Variants in MYBPC2 observed in about 807,000 individuals in gnomAD.
The protein encoded by MYBPC2 is myosin-binding protein C, fast-type.
A neutral mutation model predicts 137.0 loss-of-function variants in MYBPC2; 122 were observed. That is an observed-to-expected ratio of 0.89 (90% confidence interval 0.77 to 1.03). The LOEUF is 1.03. Ranked by LOEUF, MYBPC2 falls within the 50% of genes least tolerant of loss-of-function variation. MYBPC2 has a pLI of 0.00. For missense variants in MYBPC2, 1,500 were observed against 1,534.4 expected (o/e 0.98, Z 0.37); for synonymous variants, 626 against 612.3 (o/e 1.02, Z -0.33).
In MYBPC2 at chr19:50,463,398, C is replaced by G. The variant is rs192180426; in HGVS notation, c.3229-948C>G. On this transcript the variant is annotated intron_variant, in intron 26 of 27. Transcript: ENST00000357701. ...CTCTGTATACTGTATTCACTAACTC[C>G]ACTCATTCATGTCACTCATTCCACT... 3.7e-3 allele frequency among the ~76,000 whole-genome samples: 556 copies of G among 152,308 alleles called. 5 individuals carry two copies. Among genetic ancestry groups the G allele is most frequent in the African/African-American group, 0.013 (523 of 41,558 alleles).
At chr19:50,451,613 G>A (rs1452554038) in intron 15 of MYBPC2, among the ~76,000 whole-genome samples, 8 of 144,082 alleles carry the variant, frequency 5.6e-5, no homozygotes. Context: ...ACTGTAGGGT[G>A]TGAGGGAGGA....
At chr19:50,456,883 A>C (rs2039919378) in intron 20 of MYBPC2, among the ~76,000 whole-genome samples, 1 of 152,126 alleles carries the variant, frequency 6.6e-6, no homozygotes. Flanking sequence ...ACCTCCATAC[A>C]TCCACTCTCC....
At chr19:50,453,985 G>A (rs2039883561) in intron 16 of MYBPC2, 35 bp from the exon 17 acceptor site, 4 of 1,558,342 alleles carry the variant, frequency 2.6e-6, no homozygotes, top group African/African-American at 1.4e-5. Context: ...TTGGGGACAC[G>A]ATGGGGTGCA....
At position 50,455,623 on chromosome 19, in the gene MYBPC2, G is replaced by C. The variant is rs755232698; in HGVS notation, c.2317G>C (p.Val773Leu). The C allele has an allele frequency of 6.2e-7, 1 of 1,613,988 alleles. No homozygotes were observed. Among genetic ancestry groups the C allele is most frequent in the Non-Finnish European group, 8.5e-7 (1 of 1,179,896 alleles). The stretch of plus-strand genomic sequence containing the variant: ...GGCAGGTGGCATCGATGGGTACCTG[G>C]TGGAGTACTGCCTGGAAGGCTGTGA... Reference protein sequence around the residue: ...IGAGGIDGYLVEYCLEGSEEW... With the variant: ...IGAGGIDGYLLEYCLEGSEEW... Residue 773 changes from valine (V) to leucine (L), a missense_variant, in exon 20 of 28, where the codon GTG becomes CTG. Physicochemically the swap from Val to Leu is conservative, Grantham distance 32. Coordinates refer to ENST00000357701, the MANE Select transcript of MYBPC2 (RefSeq NM_004533.4).
chr19:50,435,131 G>T lies in MYBPC2; in HGVS notation c.20-30G>T. 1.1e-6 allele frequency: 1 copy of T among 902,534 alleles called. No individual in the cohort carries two copies. The allele number at this position is 902,534 out of a possible 1,614,324, so 55.9% of individuals were successfully genotyped here. ...AGGGGCATGGGTGTGCAGACCGCAT[G>T]CTCAACTATGACTGTCCCCTACCTT... On this transcript the variant is annotated intron_variant, in intron 1 of 27. Transcript: ENST00000357701. This position sits in a 1 kb window ranked among gnomAD's most constrained non-coding sequence, Gnocchi z 4.8.
intron 22 of MYBPC2, 46 bp from the exon 23 acceptor site, chr19:50,459,065 G>A (rs2039942770): frequency 6.4e-7 from 1 of 1,559,892 alleles, no homozygotes; most frequent in Non-Finnish European, 8.7e-7. Context: ...CCCTTTTTGC[G>A]GGTGGAGCCC....
chr19:50,436,563 G>A (rs1270005205), intron 4 of MYBPC2, 54 bp from the exon 5 acceptor site: 1 of 1,450,466 alleles, frequency 6.9e-7, no homozygotes, highest in South Asian at 1.2e-5. Context: ...TGAGGAATAT[G>A]GGGTGGCTCT....
intron 16 of MYBPC2, among the ~76,000 whole-genome samples, chr19:50,453,582 C>T (rs2039880204): frequency 6.6e-6 from 1 of 151,666 alleles, no homozygotes. Context: ...CTCTTGTTGC[C>T]CAGGCTGGAG....
At chr19:50,444,582 A>G (rs575115746) in intron 11 of MYBPC2, among the ~76,000 whole-genome samples, 296 of 152,090 alleles carry the variant, frequency 1.9e-3, no homozygotes, top group Middle Eastern at 3.4e-3. Context: ...TAATGGGGAG[A>G]AAAAAAATGT....
chr19:50,444,132 G>GTCCATCCATCCA (rs3087049), intron 11 of MYBPC2, among the ~76,000 whole-genome samples: 64 of 144,594 alleles, frequency 4.4e-4, no homozygotes, highest in East Asian at 3.1e-3. Context: ...CATCCACCCA[G>GTCCATCCATCCA]TCCATCCATC....
At chr19:50,460,215 T>A (rs1046850912) in intron 24 of MYBPC2, 36 bp downstream of exon 24, 1 of 1,575,814 alleles carries the variant, frequency 6.3e-7, no homozygotes, top group Non-Finnish European at 8.6e-7. Flanking sequence ...GAAGAGCCGG[T>A]GAGGTGGGCA....
chr19:50,451,485 C>A (rs933033398), intron 15 of MYBPC2, among the ~76,000 whole-genome samples, 176 bp downstream of exon 15: 1 of 21,068 alleles, frequency 4.7e-5, no homozygotes, highest in Admixed American at 6.7e-4. Context: ...GGAGGAGGGG[C>A]GGGGAGCTGA....
intron 13 of MYBPC2, among the ~76,000 whole-genome samples, chr19:50,449,850 G>A (rs1423904407): frequency 6.6e-6 from 1 of 152,064 alleles, no homozygotes; most frequent in Non-Finnish European, 1.5e-5. Flanking sequence ...CATGCCGGCT[G>A]GTGGTCTCAG....
intron 12 of MYBPC2, among the ~76,000 whole-genome samples, chr19:50,446,827 A>AG (rs2039810218): frequency 6.6e-6 from 1 of 150,876 alleles, no homozygotes. Context: ...TCAAAAAAAA[A>AG]AAAAAAAAAA....
chr19:50,432,892 G>C lies in MYBPC2; in HGVS notation c.-62G>C. Reference sequence around the variant, plus strand: ...AAAGGCTCCCCTTAGGGGCCCACCTGTCCTCCCTAGGGCCTAGCGGGACGC... The same window carrying C: ...AAAGGCTCCCCTTAGGGGCCCACCTCTCCTCCCTAGGGCCTAGCGGGACGC... On this transcript the variant is annotated 5_prime_UTR_variant, in exon 1 of 28. Transcript: ENST00000357701. The surrounding 1 kb of genome is among the most constrained non-coding windows in gnomAD (Gnocchi z 5.5). The C allele has an allele frequency of 6.3e-7, 1 of 1,582,532 alleles. No homozygotes were observed. The highest frequency in any genetic ancestry group is 8.6e-7 in the Non-Finnish European group (1 of 1,168,044).
chr19:50,445,821 G>T, intron 11 of MYBPC2, 59 bp from the exon 12 acceptor site: 1 of 1,513,182 alleles, frequency 6.6e-7, no homozygotes, highest in Non-Finnish European at 8.9e-7. Flanking sequence ...GACTCTCCAA[G>T]ACCCAGACCG....
At position 50,451,220 on chromosome 19, in the gene MYBPC2, A is replaced by T. The variant is rs1183162319; in HGVS notation, c.1580-60A>T. The T allele has an allele frequency of 1.9e-6, 3 of 1,581,714 alleles. No homozygotes were observed. The East Asian group carries it at 6.7e-5, about 35-fold the overall frequency. Reference sequence around the variant, plus strand: ...TGTCACCTCTTCCTCTGGGCTGTGAAGGTGGGGTGAGGGGCCTGCTGAGTT... The same window carrying T: ...TGTCACCTCTTCCTCTGGGCTGTGATGGTGGGGTGAGGGGCCTGCTGAGTT... On this transcript the variant is annotated intron_variant, in intron 14 of 27. Transcript: ENST00000357701.
rs550037352 is a variant in MYBPC2 at position 50,436,715 on chromosome 19, C to T, written c.444C>T (p.Gly148=). 16 of 1,613,854 alleles carry T rather than the reference C, an allele frequency of 9.9e-6. 1 individual carries two copies. In the South Asian group the frequency reaches 1.3e-4, roughly 13 times the overall value. ...VKAKDTCDSC[G]FNIDVEAPRQ... is the part of the protein sequence containing the mutation. ...CCAAGGACACCTGTGACAGCTGTGG[C>T]TTCAACATCGATGTGGAGGGTATGC... Residue 148 remains glycine, a synonymous_variant, in exon 5 of 28, where the codon GGC becomes GGT. Coordinates refer to ENST00000357701, the MANE Select transcript of MYBPC2 (RefSeq NM_004533.4).
chr19:50,441,383 C>T (rs2039753732), intron 8 of MYBPC2, among the ~76,000 whole-genome samples: 1 of 152,168 alleles, frequency 6.6e-6, no homozygotes, highest in African/African-American at 2.4e-5. Flanking sequence ...AAAGTTACCA[C>T]CCTTTTCCTA....
Sources: gnomAD v4.1 joint callset for allele counts (sites outside exome capture counted in the v4.1 genomes callset) on GRCh38, gnomAD v4.1.1 for gene constraint, Gnocchi (gnomAD v3.1) non-coding constraint, MANE v1.5 for transcripts, NCBI Gene and HGNC (gene_info 2026-07-23, HGNC 2026-07-21) for gene names.